The following SAMD3 variants were observed in gnomAD, a reference collection of about 807,000 sequenced individuals.
The protein encoded by SAMD3 is sterile alpha motif domain-containing protein 3.
A neutral mutation model predicts 58.5 loss-of-function variants in SAMD3; 63 were observed. The ratio of observed to expected loss-of-function variants is 1.08; its 90% CI spans 0.88 to 1.33. The LOEUF (loss-of-function observed/expected upper bound fraction) is 1.33, where lower values mean the gene tolerates loss of function less well. Ranked by LOEUF, SAMD3 falls within the 40% of genes most tolerant of loss-of-function variation. SAMD3 has a pLI of 0.00. For missense variants in SAMD3, 604 were observed against 608.4 expected, an observed-to-expected ratio of 0.99 and a Z score of 0.08; for synonymous variants, 220 against 210.3, an observed-to-expected ratio of 1.05 and a Z score of -0.40.
chr6:130,341,624 G>T (rs1276088916), intron 1 of SAMD3, among the ~76,000 whole-genome samples: 1 of 152,196 alleles, frequency 6.6e-6, no homozygotes, highest in Non-Finnish European at 1.5e-5. Context: ...TGACAATGAG[G>T]AGTGGCTTTC....
At chr6:130,328,459 C>A (rs4141940) in intron 1 of SAMD3, among the ~76,000 whole-genome samples, 67,938 of 152,038 alleles carry the variant, frequency 0.45, 17,544 homozygotes, top group African/African-American at 0.72. Flanking sequence ...AATGCCCAGG[C>A]AATACTAATC....
In SAMD3 at chr6:130,255,792, C is replaced by A. The variant is rs367963385; in HGVS notation, c.-187-32979G>T. 9.2e-5 allele frequency among the ~76,000 whole-genome samples: 14 copies of A among 152,058 alleles called. No individual in the cohort carries two copies. In the East Asian group the frequency reaches 2.5e-3, roughly 27 times the overall value. ...TACAAGTGTGAGCCACCACACCTGACCCCAGTCTATATTATTAAAAGTAAA... is the reference window on the plus strand; with the variant it reads ...TACAAGTGTGAGCCACCACACCTGAACCCAGTCTATATTATTAAAAGTAAA... On this transcript the variant is annotated intron_variant, in intron 2 of 13. Transcript: ENST00000368134.
intron 2 of SAMD3, among the ~76,000 whole-genome samples, chr6:130,264,045 C>T (rs945610990): frequency 6.6e-6 from 1 of 152,188 alleles, no homozygotes; most frequent in South Asian, 2.1e-4. Context: ...ATGCAAATGC[C>T]TGGTTAAAAT....
chr6:130,164,527 A>G (rs959004534), intron 8 of SAMD3, among the ~76,000 whole-genome samples: 2 of 152,160 alleles, frequency 1.3e-5, no homozygotes, highest in Non-Finnish European at 1.5e-5. Context: ...GCACAGGAGA[A>G]TCACAGAGAA....
At chr6:130,343,027 T>C (rs1185126219) in intron 1 of SAMD3, among the ~76,000 whole-genome samples, 1 of 151,932 alleles carries the variant, frequency 6.6e-6, no homozygotes, top group African/African-American at 2.4e-5. Context: ...TTTTTGGAAG[T>C]TTAGAGTGAA....
At chr6:130,321,563 G>A (rs1157227949) in intron 1 of SAMD3, among the ~76,000 whole-genome samples, 1 of 152,150 alleles carries the variant, frequency 6.6e-6, no homozygotes, top group African/African-American at 2.4e-5. Flanking sequence ...AGAAAACTAT[G>A]TAAAATATCC....
intron 1 of SAMD3, among the ~76,000 whole-genome samples, chr6:130,331,180 A>T (rs1315913018): frequency 6.6e-6 from 1 of 152,258 alleles, no homozygotes; most frequent in African/African-American, 2.4e-5. Context: ...TACTGGAGCT[A>T]CTTCTATTAA....
intron 2 of SAMD3, among the ~76,000 whole-genome samples, chr6:130,275,800 A>T (rs532549656): frequency 6.6e-6 from 1 of 152,044 alleles, no homozygotes; most frequent in East Asian, 1.9e-4. Flanking sequence ...TTTACAATCC[A>T]TATCAGTATG....
intron 2 of SAMD3, among the ~76,000 whole-genome samples, chr6:130,267,701 A>T (rs147410424): frequency 6.6e-6 from 1 of 152,294 alleles, no homozygotes; most frequent in African/African-American, 2.4e-5. Flanking sequence ...CTAGCAAGTG[A>T]TGTTATCTAC....
intron 1 of SAMD3, among the ~76,000 whole-genome samples, chr6:130,219,186 T>G (rs971420577): frequency 1.3e-5 from 2 of 152,170 alleles, no homozygotes; most frequent in Non-Finnish European, 2.9e-5. Flanking sequence ...ACTATTAATT[T>G]TTTTCATACA....
chr6:130,186,920 G>C lies in SAMD3; in HGVS notation c.384-2297C>G, dbSNP rs1247697415. ...TGAGTAGCTGGGACTACAGGCGCAT[G>C]CCACCGTGCCTGGCTAATTTTTTTT... On this transcript the variant is annotated intron_variant, in intron 5 of 11. Coordinates refer to ENST00000439090, the MANE Select transcript of SAMD3 (RefSeq NM_001017373.4). Among the ~76,000 whole-genome samples the C allele has an allele frequency of 2.0e-5, 3 of 151,898 alleles. No individual in the cohort carries two copies. The South Asian group carries it at 6.2e-4, about 32-fold the overall frequency.
chr6:130,195,086 C>T (rs1793964388), intron 5 of SAMD3, among the ~76,000 whole-genome samples: 1 of 152,116 alleles, frequency 6.6e-6, no homozygotes, highest in African/African-American at 2.4e-5. Flanking sequence ...CCCACCTGCC[C>T]AGTTCCCTTA....
At chr6:130,279,167 G>T (rs1283443274) in intron 2 of SAMD3, among the ~76,000 whole-genome samples, 1 of 152,074 alleles carries the variant, frequency 6.6e-6, no homozygotes, top group Admixed American at 6.6e-5. Flanking sequence ...TGGATATAAA[G>T]TTCCTGTTCC....
intron 10 of SAMD3, 40 bp from the exon 11 acceptor site, chr6:130,145,462 G>A (rs1258239406): frequency 6.9e-7 from 1 of 1,438,976 alleles, no homozygotes; most frequent in Non-Finnish European, 9.7e-7. Context: ...GTAAAAATAA[G>A]CTTTTAGCAA....
chr6:130,345,665 C>A (rs1343514209), intron 1 of SAMD3, among the ~76,000 whole-genome samples: 1 of 151,596 alleles, frequency 6.6e-6, no homozygotes, highest in Non-Finnish European at 1.5e-5. Flanking sequence ...GCCCTTGGCA[C>A]CTGTTTATTG....
At chr6:130,263,228 C>T (rs373313388) in intron 2 of SAMD3, among the ~76,000 whole-genome samples, 2 of 152,148 alleles carry the variant, frequency 1.3e-5, no homozygotes, top group South Asian at 2.1e-4. Context: ...CTATAAAGTC[C>T]ACTGCCAAGG....
chr6:130,263,902 G>C (rs1774235997), intron 2 of SAMD3, among the ~76,000 whole-genome samples: 1 of 152,090 alleles, frequency 6.6e-6, no homozygotes, highest in Non-Finnish European at 1.5e-5. Flanking sequence ...ACATTCTGTG[G>C]ACCACTAAAG....
At chr6:130,312,525 G>T (rs1017427375) in intron 2 of SAMD3, among the ~76,000 whole-genome samples, 1 of 152,128 alleles carries the variant, frequency 6.6e-6, no homozygotes, top group Non-Finnish European at 1.5e-5. Flanking sequence ...CTTTGAGTAG[G>T]AGACAGTGAA....
At chr6:130,175,718 A>G (rs1791662593) in intron 8 of SAMD3, 123 bp downstream of exon 8, 1 of 631,628 alleles carries the variant, frequency 1.6e-6, no homozygotes, top group East Asian at 2.9e-5. Flanking sequence ...GTTCTTAACT[A>G]CACTTCAAAT....
Sources: gnomAD v4.1 joint callset for allele counts (sites outside exome capture counted in the v4.1 genomes callset) on GRCh38, gnomAD v4.1.1 for gene constraint, MANE v1.5 for transcripts, NCBI Gene and HGNC (gene_info 2026-07-23, HGNC 2026-07-21) for gene names.